The following EPS8 variants were observed in gnomAD, a reference collection of about 807,000 sequenced individuals.
EPS8 encodes the protein EGFR pathway substrate 8, signaling adaptor.
Under a neutral mutation model 103.8 loss-of-function variants are expected in EPS8, and 42 were observed. That is an observed-to-expected ratio of 0.40 (90% CI 0.32 to 0.52). EPS8 has a LOEUF of 0.52. Among genes scored for constraint, EPS8 ranks in the 20% least tolerant of loss-of-function variants. EPS8 has a pLI of 0.40. For missense variants in EPS8, 969 were observed against 1,005.1 expected, an observed-to-expected ratio of 0.96 and a Z score of 0.49; for synonymous variants, 344 against 344.6, an observed-to-expected ratio of 1.00 and a Z score of 0.02.
Position 15,735,441 on chromosome 12 carries a change from TC to T in EPS8, c.-21-52470del. ...GGATCAAATATTGTCTTATGGCGCATCCCACGTTAATGCTACTTGACTTAAT... is the reference window on the plus strand; with the variant it reads ...GGATCAAATATTGTCTTATGGCGCATCCACGTTAATGCTACTTGACTTAAT... On this transcript the variant is annotated intron_variant, in intron 1 of 20. Transcript: ENST00000281172. This position sits in a 1 kb window ranked among gnomAD's most constrained non-coding sequence, Gnocchi z 4.4. 6.6e-6 allele frequency among the ~76,000 whole-genome samples: 1 copy of T among 152,166 alleles called. No homozygotes were observed. Among genetic ancestry groups the T allele is most frequent in the Non-Finnish European group, 1.5e-5 (1 of 68,036 alleles).
At chr12:15,682,833 A>T in intron 2 of EPS8, 60 bp downstream of exon 2, 2 of 911,002 alleles carry the variant, frequency 2.2e-6, no homozygotes. Flanking sequence ...AATATAAAAC[A>T]ATTAAAATCA....
At chr12:15,638,939 A>C (rs1165532712) in intron 17 of EPS8, among the ~76,000 whole-genome samples, 2 of 152,262 alleles carry the variant, frequency 1.3e-5, no homozygotes, top group Non-Finnish European at 2.9e-5. Flanking sequence ...AGCAAAAGGT[A>C]AGAGATATTA....
At position 15,631,634 on chromosome 12, in the gene EPS8, C is replaced by T; in HGVS notation, c.1852G>A (p.Ala618Thr). The change falls in exon 18 of 21, where the codon GCT (alanine) becomes ACT (threonine). Residue 618 changes from alanine to threonine, a missense_variant. By Grantham distance (58) the Ala-to-Thr change is moderately conservative. Transcript: ENST00000281172. ...KQRMEYGPRP[A>T]DTPPAPSPPP... ...GGTGATGGAGCAGGGGGAGTATCAGCTGGTCTTGGGCCATACTCCATCCTT... is the reference window on the plus strand; with the variant it reads ...GGTGATGGAGCAGGGGGAGTATCAGTTGGTCTTGGGCCATACTCCATCCTT... 1 of 1,613,758 alleles carries T rather than the reference C, an allele frequency of 6.2e-7. No individual in the cohort carries two copies. The highest frequency in any genetic ancestry group is 8.5e-7 in the Non-Finnish European group (1 of 1,179,870).
At position 15,660,740 on chromosome 12, in the gene EPS8, G is replaced by A; in HGVS notation, c.811C>T (p.Gln271Ter). The change falls in exon 10 of 21, where the codon CAA (glutamine) becomes TAA (stop). Residue 271 changes from glutamine to a stop codon, truncating the protein, a stop_gained and splice_region_variant. Transcript: ENST00000281172. LOFTEE classifies it high-confidence loss of function. ...TCATCCAAAATGTGGTTTAAGATTT[G>A]CTGAAATTAGAAATTATAGAATAAA... is the stretch of plus-strand genomic sequence containing the variant. ...MMAARIDRDV[Q>*]ILNHILDDIE... 1 of 1,548,156 alleles carries A rather than the reference G, an allele frequency of 6.5e-7. No individual in the cohort carries two copies.
At chr12:15,687,173 C>T (rs1277275453) in intron 1 of EPS8, among the ~76,000 whole-genome samples, 1 of 152,032 alleles carries the variant, frequency 6.6e-6, no homozygotes, top group Non-Finnish European at 1.5e-5. Flanking sequence ...TTGTCTCCTG[C>T]AATGTCTTCT....
intron 17 of EPS8, among the ~76,000 whole-genome samples, chr12:15,634,045 T>G (rs1945094588): frequency 6.6e-6 from 1 of 152,216 alleles, no homozygotes; most frequent in Non-Finnish European, 1.5e-5. Context: ...TTACGTAATG[T>G]CTTGGAGAAC....
chr12:15,770,666 C>T (rs181783874), intron 1 of EPS8, among the ~76,000 whole-genome samples: 8 of 152,188 alleles, frequency 5.3e-5, no homozygotes, highest in African/African-American at 1.7e-4. Context: ...AATCATAGCC[C>T]ACATTTAAAA....
In EPS8 at chr12:15,733,697, A is replaced by C. The variant is rs1946740723; in HGVS notation, c.-21-50725T>G. Among the ~76,000 whole-genome samples the C allele has an allele frequency of 6.6e-6, 1 of 152,196 alleles. No individual in the cohort carries two copies. Among genetic ancestry groups the C allele is most frequent in the East Asian group, 1.9e-4 (1 of 5,192 alleles). ...CAAACAAACAGAAAAACTAATGGAG[A>C]TAGAAGAAATATCCATTCCATTTTA... On this transcript the variant is annotated intron_variant, in intron 1 of 20. Transcript: ENST00000281172. This position sits in a 1 kb window ranked among gnomAD's most constrained non-coding sequence, Gnocchi z 4.8.
intron 1 of EPS8, among the ~76,000 whole-genome samples, chr12:15,729,769 C>T (rs1946693469): frequency 2.0e-5 from 3 of 152,152 alleles, no homozygotes; most frequent in Non-Finnish European, 4.4e-5. Flanking sequence ...TTTGACTCCA[C>T]TGTGTTCACA....
intron 10 of EPS8, among the ~76,000 whole-genome samples, chr12:15,659,084 C>T (rs1945558468): frequency 6.6e-6 from 1 of 151,936 alleles, no homozygotes; most frequent in African/African-American, 2.4e-5. Flanking sequence ...TGGATAAAAA[C>T]AGCATAAGCA....
chr12:15,666,062 A>G (rs1441673085), intron 7 of EPS8, among the ~76,000 whole-genome samples, 170 bp from the exon 8 acceptor site: 1 of 152,244 alleles, frequency 6.6e-6, no homozygotes, highest in Non-Finnish European at 1.5e-5. Context: ...ATATGAAATA[A>G]AAAAATTAAT....
rs1288053358 is a variant in EPS8 at position 15,690,939 on chromosome 12, CA to C, written c.-21-7968del. On this transcript the variant is annotated intron_variant, in intron 1 of 20. Transcript: ENST00000281172. This position sits in a 1 kb window ranked among gnomAD's most constrained non-coding sequence, Gnocchi z 4.7. ...GCAATAAAGAAGAGTCAAGACCAAA[CA>C]AAAAAGTCAGTTCCACTAACTGTCT... is the stretch of plus-strand genomic sequence containing the variant. Among the ~76,000 whole-genome samples the C allele has an allele frequency of 1.3e-5, 2 of 151,380 alleles. No homozygotes were observed. The highest frequency in any genetic ancestry group is 6.6e-5 in the Admixed American group (1 of 15,160).
chr12:15,637,949 T>C (rs1048690425), intron 17 of EPS8, among the ~76,000 whole-genome samples: 1 of 152,212 alleles, frequency 6.6e-6, no homozygotes, highest in Non-Finnish European at 1.5e-5. Context: ...GTACTCAATA[T>C]GTATTTGTGG....
chr12:15,669,608 C>T, intron 5 of EPS8, 56 bp downstream of exon 5: 2 of 1,552,732 alleles, frequency 1.3e-6, no homozygotes, highest in Admixed American at 3.9e-5. Context: ...TGATTGTAAA[C>T]ATTAATATTT....
chr12:15,730,070 A>G (rs1946697223), intron 1 of EPS8, among the ~76,000 whole-genome samples: 1 of 152,156 alleles, frequency 6.6e-6, no homozygotes, highest in Non-Finnish European at 1.5e-5. Context: ...TCTGAAGTCC[A>G]TCGTCACCTG....
Position 15,751,793 on chromosome 12 carries a change from C to A in EPS8, c.-22+37368G>T, listed in dbSNP as rs887244134. Among the ~76,000 whole-genome samples the A allele has an allele frequency of 3.3e-5, 5 of 152,054 alleles. No homozygotes were observed. The highest frequency in any genetic ancestry group is 9.7e-5 in the African/African-American group (4 of 41,368). On this transcript the variant is annotated intron_variant, in intron 1 of 20. Coordinates refer to ENST00000281172, the MANE Select transcript of EPS8 (RefSeq NM_004447.6). The surrounding 1 kb of genome is among the most constrained non-coding windows in gnomAD (Gnocchi z 4.3). Reference sequence around the variant, plus strand: ...TCCTTCTTACCATACTCTACTTACACCATAGCTCAGACAACATGTTAGACG... The same window carrying A: ...TCCTTCTTACCATACTCTACTTACAACATAGCTCAGACAACATGTTAGACG...
Position 15,681,221 on chromosome 12 carries a change from C to T in EPS8, c.136+5G>A. ...AATTATACCCTATCAAATAAACAAACCTACCATAAAGGGCCTTTGCACTTG... is the reference window on the plus strand; with the variant it reads ...AATTATACCCTATCAAATAAACAAATCTACCATAAAGGGCCTTTGCACTTG... On this transcript the variant is annotated splice_donor_5th_base_variant and intron_variant, in intron 3 of 20. Coordinates refer to ENST00000281172, the MANE Select transcript of EPS8 (RefSeq NM_004447.6). 1 of 1,508,346 alleles carries T rather than the reference C, an allele frequency of 6.6e-7. No homozygotes were observed. The highest frequency in any genetic ancestry group is 9.0e-7 in the Non-Finnish European group (1 of 1,109,260). The allele number at this position is 1,508,346 out of a possible 1,614,324, so 93.4% of individuals were successfully genotyped here.
chr12:15,764,397 A>T lies in EPS8; in HGVS notation c.-22+24764T>A, dbSNP rs965679153. On this transcript the variant is annotated intron_variant, in intron 1 of 20. Transcript: ENST00000281172. The surrounding 1 kb of genome is among the most constrained non-coding windows in gnomAD (Gnocchi z 4.1). ...AAGGAGCTGAATGACAAGTCAAGAGACAATCTGTTCAAGTCCACAAGGTTC... is the reference window on the plus strand; with the variant it reads ...AAGGAGCTGAATGACAAGTCAAGAGTCAATCTGTTCAAGTCCACAAGGTTC... Among the ~76,000 whole-genome samples, 4 of 152,332 alleles carry T rather than the reference A, an allele frequency of 2.6e-5. No homozygotes were observed. The highest frequency in any genetic ancestry group is 2.6e-4 in the Admixed American group (4 of 15,302).
chr12:15,677,939 C>A (rs979619946), intron 3 of EPS8, among the ~76,000 whole-genome samples: 2 of 152,170 alleles, frequency 1.3e-5, no homozygotes, highest in African/African-American at 4.8e-5. Context: ...TGTGTGTGCA[C>A]ATTAGCTTAT....
Sources: gnomAD v4.1 joint callset for allele counts (sites outside exome capture counted in the v4.1 genomes callset) on GRCh38, gnomAD v4.1.1 for gene constraint, Gnocchi (gnomAD v3.1) non-coding constraint, MANE v1.5 for transcripts, NCBI Gene and HGNC (gene_info 2026-07-23, HGNC 2026-07-21) for gene names.